The following PEX5L variants were observed in gnomAD, a reference collection of about 807,000 sequenced individuals.
The protein encoded by PEX5L is PEX5-related protein.
In PEX5L, 30 loss-of-function variants were observed where a neutral mutation model predicts 84.0. The ratio of observed to expected loss-of-function variants is 0.36; its 90% confidence interval spans 0.27 to 0.48. The LOEUF (loss-of-function observed/expected upper bound fraction) is 0.48. Among genes scored for constraint, PEX5L ranks in the 20% least tolerant of loss-of-function variants. PEX5L has a pLI of 0.99. For synonymous variants in PEX5L, 270 were observed against 283.1 expected (o/e 0.95, Z 0.46); for missense variants, 533 against 754.6 (o/e 0.71, Z 3.44).
At chr3:179,972,884 A>G (rs1423578484) in intron 1 of PEX5L, among the ~76,000 whole-genome samples, 2 of 152,122 alleles carry the variant, frequency 1.3e-5, no homozygotes, top group Non-Finnish European at 2.9e-5. Context: ...ATAAAACACA[A>G]ATTCTCATTT....
intron 5 of PEX5L, among the ~76,000 whole-genome samples, chr3:179,878,178 C>G (rs887008195): frequency 3.3e-5 from 5 of 152,220 alleles, no homozygotes; most frequent in African/African-American, 9.6e-5. Flanking sequence ...TCCTGCCCCT[C>G]TTCCATCTTC....
At chr3:179,918,343 A>G (rs1364439964) in intron 2 of PEX5L, among the ~76,000 whole-genome samples, 1 of 152,198 alleles carries the variant, frequency 6.6e-6, no homozygotes, top group East Asian at 1.9e-4. Context: ...ATATTTTTAT[A>G]TAGGTCACAC....
intron 14 of PEX5L, among the ~76,000 whole-genome samples, 160 bp from the exon 15 acceptor site, chr3:179,802,192 A>G (rs1290996987): frequency 2.0e-5 from 3 of 152,176 alleles, no homozygotes; most frequent in Non-Finnish European, 4.4e-5. Context: ...TAATTCTCTT[A>G]TATTCTTTAG....
intron 1 of PEX5L, among the ~76,000 whole-genome samples, chr3:179,987,373 T>G (rs755264871): frequency 2.0e-5 from 3 of 151,542 alleles, no homozygotes; most frequent in Non-Finnish European, 4.4e-5. Context: ...CTAAACAATC[T>G]TTCTAGCAAG....
intron 1 of PEX5L, among the ~76,000 whole-genome samples, chr3:180,006,802 CATGGGAA>C (rs1346307066): frequency 6.6e-6 from 1 of 152,178 alleles, no homozygotes; most frequent in Non-Finnish European, 1.5e-5. Flanking sequence ...ATGAGACTAG[CATGGGAA>C]AGACAGGCCC....
intron 2 of PEX5L, among the ~76,000 whole-genome samples, chr3:179,936,639 G>T (rs1266385316): frequency 2.4e-5 from 1 of 41,442 alleles, no homozygotes; most frequent in Non-Finnish European, 5.5e-5. Context: ...TGAGGCCTTT[G>T]CTAGAAGGGC....
intron 14 of PEX5L, among the ~76,000 whole-genome samples, chr3:179,806,524 A>C (rs112466315): frequency 1.8e-4 from 27 of 152,356 alleles, no homozygotes; most frequent in African/African-American, 6.3e-4. Context: ...CTAGGATCTC[A>C]ATGTTTGCCA....
At chr3:179,847,069 G>GTA (rs1739672464) in intron 8 of PEX5L, among the ~76,000 whole-genome samples, 1 of 87,562 alleles carries the variant, frequency 1.1e-5, no homozygotes. Flanking sequence ...ATGTGTGTGT[G>GTA]TGTGTGTGTG....
At chr3:179,968,309 G>T (rs868510432) in intron 2 of PEX5L, among the ~76,000 whole-genome samples, 1 of 152,206 alleles carries the variant, frequency 6.6e-6, no homozygotes, top group South Asian at 2.1e-4. Flanking sequence ...AGTGGTTAAT[G>T]TTTTTAATCC....
At chr3:179,963,750 CT>C (rs1782653306) in intron 2 of PEX5L, among the ~76,000 whole-genome samples, 1 of 152,156 alleles carries the variant, frequency 6.6e-6, no homozygotes, top group Admixed American at 6.6e-5. Context: ...TCCGCTGAAG[CT>C]GATACGTGCT....
At chr3:179,975,551 T>G (rs1785672947) in intron 1 of PEX5L, among the ~76,000 whole-genome samples, 1 of 152,224 alleles carries the variant, frequency 6.6e-6, no homozygotes, top group Non-Finnish European at 1.5e-5. Context: ...AAGGTTTGCA[T>G]GTAAATAATT....
At chr3:179,995,395 TATG>T (rs1787795494) in intron 1 of PEX5L, among the ~76,000 whole-genome samples, 1 of 151,924 alleles carries the variant, frequency 6.6e-6, no homozygotes. Flanking sequence ...GGCTGCTTAA[TATG>T]ATTAGACCCC....
At chr3:179,879,557 C>T (rs1753527930) in intron 5 of PEX5L, among the ~76,000 whole-genome samples, 1 of 152,148 alleles carries the variant, frequency 6.6e-6, no homozygotes, top group Non-Finnish European at 1.5e-5. Flanking sequence ...CATCTGGCTG[C>T]CCCTGGGCCT....
intron 2 of PEX5L, among the ~76,000 whole-genome samples, chr3:179,961,394 ATT>A (rs1560937289): frequency 6.6e-6 from 1 of 152,042 alleles, no homozygotes; most frequent in Non-Finnish European, 1.5e-5. Context: ...CAAGAACTGC[ATT>A]TCTGTCAAAC....
intron 2 of PEX5L, among the ~76,000 whole-genome samples, chr3:179,918,088 T>TGTTA (rs1767888281): frequency 6.6e-6 from 1 of 152,206 alleles, no homozygotes; most frequent in Non-Finnish European, 1.5e-5. Flanking sequence ...AACTAGTAAG[T>TGTTA]GTTAGAGTGG....
intron 2 of PEX5L, among the ~76,000 whole-genome samples, chr3:179,923,218 G>A (rs1172131368): frequency 6.7e-6 from 1 of 149,866 alleles, no homozygotes; most frequent in Non-Finnish European, 1.5e-5. Flanking sequence ...CTGAACCCGG[G>A]AGGCAGAGCT....
intron 1 of PEX5L, among the ~76,000 whole-genome samples, chr3:180,023,098 G>T (rs1790564107): frequency 6.6e-6 from 1 of 152,166 alleles, no homozygotes; most frequent in Admixed American, 6.5e-5. Flanking sequence ...TGCTATGCAG[G>T]CGCAAGCAAT....
chr3:179,976,902 A>C (rs1785854678), intron 1 of PEX5L, among the ~76,000 whole-genome samples: 1 of 152,232 alleles, frequency 6.6e-6, no homozygotes, highest in South Asian at 2.1e-4. Flanking sequence ...ACTAGAAAAA[A>C]AAAGTGAAAA....
chr3:180,015,542 A>AG (rs1789869790), intron 1 of PEX5L, among the ~76,000 whole-genome samples: 1 of 152,148 alleles, frequency 6.6e-6, no homozygotes, highest in Non-Finnish European at 1.5e-5. Context: ...ATCATTGTAT[A>AG]TTATTAAAAA....
Sources: gnomAD v4.1 joint callset for allele counts (sites outside exome capture counted in the v4.1 genomes callset) on GRCh38, gnomAD v4.1.1 for gene constraint, MANE v1.5 for transcripts, NCBI Gene and HGNC (gene_info 2026-07-23, HGNC 2026-07-21) for gene names.